The following TSPAN18 variants were observed in gnomAD, a reference collection of about 807,000 sequenced individuals.
TSPAN18 encodes the protein tetraspanin 18, also known as tetraspanin-18.
TSPAN18 carries 14 observed loss-of-function variants against 27.3 expected under a neutral mutation model. That is an observed-to-expected ratio of 0.51 (90% confidence interval 0.34 to 0.80). The LOEUF (loss-of-function observed/expected upper bound fraction) is 0.80. Among genes scored for constraint, TSPAN18 ranks in the 30% least tolerant of loss-of-function variants. TSPAN18 has a pLI of 0.01. For synonymous variants in TSPAN18, 143 were observed against 136.5 expected (o/e 1.05, Z -0.33); for missense variants, 268 against 323.9 (o/e 0.83, Z 1.32).
intron 3 of TSPAN18, among the ~76,000 whole-genome samples, chr11:44,860,866 G>T (rs1857861191): frequency 6.6e-6 from 1 of 152,152 alleles, no homozygotes; most frequent in Admixed American, 6.5e-5. Context: ...GTGGTGAGAG[G>T]GCAAAGGCTG....
chr11:44,790,521 T>G (rs562284578), intron 2 of TSPAN18, among the ~76,000 whole-genome samples: 1 of 149,926 alleles, frequency 6.7e-6, no homozygotes, highest in African/African-American at 2.5e-5. Context: ...GCATGTGTTT[T>G]TGGTGTGTGC....
intron 2 of TSPAN18, among the ~76,000 whole-genome samples, chr11:44,774,357 T>C (rs1473618013): frequency 2.0e-5 from 3 of 152,218 alleles, no homozygotes; most frequent in Non-Finnish European, 4.4e-5. Flanking sequence ...CATCTCACAG[T>C]GTGTCCCCAT....
At chr11:44,778,889 G>T (rs981695456) in intron 2 of TSPAN18, among the ~76,000 whole-genome samples, 1 of 152,158 alleles carries the variant, frequency 6.6e-6, no homozygotes, top group Non-Finnish European at 1.5e-5. Context: ...GCAGCCAGCT[G>T]TCCAGTGGCT....
chr11:44,751,710 T>C (rs1855214311), intron 1 of TSPAN18, among the ~76,000 whole-genome samples: 1 of 152,004 alleles, frequency 6.6e-6, no homozygotes, highest in Non-Finnish European at 1.5e-5. Flanking sequence ...TGAGGTCACT[T>C]GAGGTCAGGA....
intron 1 of TSPAN18, among the ~76,000 whole-genome samples, chr11:44,749,162 A>G (rs549872866): frequency 2.6e-5 from 4 of 152,360 alleles, no homozygotes; most frequent in Middle Eastern, 3.4e-3. Flanking sequence ...GGAAAGACAC[A>G]GGATTTCAAG....
chr11:44,753,013 CTT>C (rs1565133967), intron 1 of TSPAN18, among the ~76,000 whole-genome samples: 1 of 152,206 alleles, frequency 6.6e-6, no homozygotes, highest in Non-Finnish European at 1.5e-5. Context: ...ACAGACCTCT[CTT>C]TGCCTTTTGC....
At chr11:44,809,171 C>T (rs944224892) in intron 2 of TSPAN18, among the ~76,000 whole-genome samples, 4 of 152,138 alleles carry the variant, frequency 2.6e-5, no homozygotes, top group African/African-American at 9.7e-5. Flanking sequence ...AGGAATAGAA[C>T]CAGAGTCTGC....
chr11:44,859,517 C>T (rs1857821646), intron 2 of TSPAN18: 1 of 152,180 alleles, frequency 6.6e-6, no homozygotes, highest in Non-Finnish European at 1.5e-5. Flanking sequence ...GAGGTTGCAC[C>T]AGCTTGTGGC....
intron 1 of TSPAN18, chr11:44,736,437 C>T (rs747862325): frequency 1.3e-5 from 2 of 152,200 alleles, no homozygotes; most frequent in Non-Finnish European, 2.9e-5. Flanking sequence ...TCCGTCTCCT[C>T]GCAAGTTGAG....
intron 5 of TSPAN18, 108 bp downstream of exon 5, chr11:44,910,007 A>C: frequency 7.5e-7 from 1 of 1,334,790 alleles, no homozygotes; most frequent in South Asian, 1.5e-5. Context: ...GTGCTTCCCA[A>C]ACTGGGGCGG....
At chr11:44,853,923 G>C (rs1201669747) in intron 2 of TSPAN18, among the ~76,000 whole-genome samples, 5 of 152,156 alleles carry the variant, frequency 3.3e-5, no homozygotes, top group Non-Finnish European at 7.4e-5. Context: ...GGAAAGGAAG[G>C]AAAGGAAGGA....
chr11:44,738,530 C>T lies in TSPAN18; in HGVS notation c.-240+11243C>T, dbSNP rs1366132641. On this transcript the variant is annotated intron_variant, in intron 1 of 9. Transcript: ENST00000520358. ...AAATTAATTCATGTAATATTTGTTT[C>T]TCCAGTTTTAGAGGCTGGAAGTCCA... 2.0e-5 allele frequency among the ~76,000 whole-genome samples: 3 copies of T among 152,168 alleles called. No individual in the cohort carries two copies. The East Asian group carries it at 5.8e-4, about 29-fold the overall frequency.
At chr11:44,774,920 T>C (rs1189627740) in intron 2 of TSPAN18, among the ~76,000 whole-genome samples, 1 of 152,236 alleles carries the variant, frequency 6.6e-6, no homozygotes, top group East Asian at 1.9e-4. Context: ...CGTTTCCTGC[T>C]TTTGTTCACA....
chr11:44,726,532 G>C (rs967464000), upstream of TSPAN18: 2 of 152,138 alleles, frequency 1.3e-5, no homozygotes, highest in Non-Finnish European at 2.9e-5. Flanking sequence ...CCCGGCAGCG[G>C]GAAGCCCAGG....
intron 5 of TSPAN18, among the ~76,000 whole-genome samples, chr11:44,916,688 G>A (rs1046851954): frequency 6.6e-6 from 1 of 152,180 alleles, no homozygotes; most frequent in Admixed American, 6.5e-5. Context: ...GTCCTGACTT[G>A]AAGCCCAACA....
At chr11:44,880,511 G>A (rs1419000329) in intron 3 of TSPAN18, among the ~76,000 whole-genome samples, 1 of 152,204 alleles carries the variant, frequency 6.6e-6, no homozygotes, top group African/African-American at 2.4e-5. Context: ...GGCACATGGG[G>A]CATATTCACC....
intron 3 of TSPAN18, among the ~76,000 whole-genome samples, chr11:44,867,389 CTTTTTTTTTTTTT>C (rs71038824): frequency 1.5e-4 from 9 of 60,424 alleles, no homozygotes; most frequent in African/African-American, 3.6e-4. Flanking sequence ...GTTTATGAAT[CTTTTTTTTTTTTT>C]TTTTTTTTTT....
intron 2 of TSPAN18, among the ~76,000 whole-genome samples, chr11:44,843,674 G>T (rs1045431245): frequency 6.6e-6 from 1 of 152,166 alleles, no homozygotes. Flanking sequence ...CGCCGGGGGG[G>T]CCAGTTCAGA....
intron 3 of TSPAN18, chr11:44,886,063 AG>A (rs568624966): frequency 6.6e-6 from 1 of 152,292 alleles, no homozygotes; most frequent in Non-Finnish European, 1.5e-5. Context: ...GTGAGAAGGA[AG>A]GGAGGCCTCC....
Sources: gnomAD v4.1 joint callset for allele counts (sites outside exome capture counted in the v4.1 genomes callset) on GRCh38, gnomAD v4.1.1 for gene constraint, MANE v1.5 for transcripts, NCBI Gene and HGNC (gene_info 2026-07-23, HGNC 2026-07-21) for gene names.